Variants in SLC49A4 observed in about 807,000 individuals in gnomAD.
SLC49A4 encodes the protein disrupted in renal cancer protein 2.
A neutral mutation model predicts 50.6 loss-of-function variants in SLC49A4; 36 were observed. The ratio of observed to expected loss-of-function variants is 0.71; its 90% CI spans 0.55 to 0.94. The LOEUF is 0.94. Among genes scored for constraint, SLC49A4 ranks in the 40% least tolerant of loss-of-function variants. SLC49A4 has a pLI of 0.00. For missense variants in SLC49A4, 503 were observed against 605.7 expected, an observed-to-expected ratio of 0.83 and a Z score of 1.78; for synonymous variants, 248 against 241.2, an observed-to-expected ratio of 1.03 and a Z score of -0.26.
chr3:122,862,495 T>A (rs1000586357), intron 7 of SLC49A4, among the ~76,000 whole-genome samples: 3 of 152,262 alleles, frequency 2.0e-5, no homozygotes, highest in Non-Finnish European at 4.4e-5. Context: ...TTGAACAATT[T>A]TGGCAAGTAT....
chr3:122,859,974 T>C, intron 6 of SLC49A4, 101 bp from the exon 7 acceptor site: 2 of 1,052,904 alleles, frequency 1.9e-6, no homozygotes, highest in Non-Finnish European at 2.6e-6. Context: ...TTTAAAAGAA[T>C]ATATGGAAAA....
At chr3:122,861,474 G>A (rs752004828) in intron 7 of SLC49A4, among the ~76,000 whole-genome samples, 1 of 152,142 alleles carries the variant, frequency 6.6e-6, no homozygotes, top group Non-Finnish European at 1.5e-5. Flanking sequence ...TTGGTAGATT[G>A]TAAGATTGTA....
At chr3:122,816,308 C>A (rs189408142) in intron 2 of SLC49A4, among the ~76,000 whole-genome samples, 11 of 152,260 alleles carry the variant, frequency 7.2e-5, no homozygotes, top group African/African-American at 2.6e-4. Context: ...GAGCTCTTGT[C>A]CCTTCCATCT....
Position 122,826,893 on chromosome 3 carries a change from T to A in SLC49A4, c.531T>A (p.Asp177Glu). 1.9e-6 allele frequency: 3 copies of A among 1,614,208 alleles called. No individual in the cohort carries two copies. The highest frequency in any genetic ancestry group is 2.5e-6 in the Non-Finnish European group (3 of 1,180,030). The change falls in exon 3 of 9, where the codon GAT becomes GAA. Residue 177 changes from aspartate to glutamate, a missense_variant. Physicochemically the swap from Asp to Glu is conservative, Grantham distance 45. Transcript: ENST00000261038. ...PFLSTTWFSA[D>E]ERATATAIAS... ...TCTCTACGACGTGGTTTTCTGCAGA[T>A]GAAAGGGCCACAGCCACAGCTATTG...
chr3:122,872,892 C>T (rs568307090), intron 8 of SLC49A4, among the ~76,000 whole-genome samples: 3 of 151,694 alleles, frequency 2.0e-5, no homozygotes, highest in African/African-American at 7.3e-5. Flanking sequence ...CCCACCCCCA[C>T]GCCTTACCCT....
chr3:122,825,296 A>G (rs1053168525), intron 2 of SLC49A4, among the ~76,000 whole-genome samples: 2 of 152,220 alleles, frequency 1.3e-5, no homozygotes, highest in African/African-American at 4.8e-5. Flanking sequence ...CATTTCTGTA[A>G]TAAAATTGCT....
intron 4 of SLC49A4, among the ~76,000 whole-genome samples, chr3:122,839,494 C>T (rs73193836): frequency 0.013 from 2,044 of 152,062 alleles, 24 homozygotes; most frequent in Non-Finnish European, 0.019. Context: ...CTGTATCTGA[C>T]AGGAGACTAA....
intron 4 of SLC49A4, among the ~76,000 whole-genome samples, chr3:122,837,915 C>G (rs1193406498): frequency 2.0e-5 from 3 of 152,168 alleles, no homozygotes; most frequent in African/African-American, 7.2e-5. Flanking sequence ...ACAGACACTT[C>G]TCAAAAGAAG....
In SLC49A4 at chr3:122,826,953, A is replaced by G. The variant is rs1936538656; in HGVS notation, c.591A>G (p.Ala197=). The G allele has an allele frequency of 2.5e-6, 4 of 1,614,214 alleles. No individual in the cohort carries two copies. The highest frequency in any genetic ancestry group is 3.4e-6 in the Non-Finnish European group (4 of 1,180,018). ...TCAGTTATCTTGGGGGAGCATGTGC[A>G]TTTTTAGTTGGACCACTTGTTGTTC... ...SMLSYLGGAC[A]FLVGPLVVPA... The change falls in exon 3 of 9, where the codon GCA becomes GCG. Residue 197 remains alanine, a synonymous_variant. Coordinates refer to ENST00000261038, the MANE Select transcript of SLC49A4 (RefSeq NM_032839.3).
intron 2 of SLC49A4, among the ~76,000 whole-genome samples, chr3:122,822,777 G>A (rs977132593): frequency 6.6e-6 from 1 of 151,282 alleles, no homozygotes; most frequent in African/African-American, 2.4e-5. Context: ...TTATTCTCTA[G>A]TGTTTCTTCC....
At chr3:122,822,331 T>G (rs1467279434) in intron 2 of SLC49A4, among the ~76,000 whole-genome samples, 1 of 152,242 alleles carries the variant, frequency 6.6e-6, no homozygotes, top group African/African-American at 2.4e-5. Context: ...GCATTTTATC[T>G]TTTAATGTGT....
At chr3:122,849,324 T>G (rs1936895082) in intron 5 of SLC49A4, among the ~76,000 whole-genome samples, 2 of 152,178 alleles carry the variant, frequency 1.3e-5, no homozygotes, top group African/African-American at 4.8e-5. Context: ...CTGATTTCCT[T>G]TCTATTGGGT....
In SLC49A4 at chr3:122,833,450, A is replaced by G. The variant is rs1187919053; in HGVS notation, c.833+4A>G. The G allele has an allele frequency of 6.2e-7, 1 of 1,611,922 alleles. No homozygotes were observed. Among genetic ancestry groups the G allele is most frequent in the East Asian group, 2.2e-5 (1 of 44,856 alleles). ...GAAGCGTTTGTAGATTATTAAGGTAAATATACTGAGAGTCACTGGATGGCT... is the reference window on the plus strand; with the variant it reads ...GAAGCGTTTGTAGATTATTAAGGTAGATATACTGAGAGTCACTGGATGGCT... On this transcript the variant is annotated splice_donor_region_variant and intron_variant, in intron 4 of 8. Coordinates refer to ENST00000261038, the MANE Select transcript of SLC49A4 (RefSeq NM_032839.3).
intron 2 of SLC49A4, among the ~76,000 whole-genome samples, chr3:122,811,730 G>A (rs1392570060): frequency 6.6e-6 from 1 of 152,132 alleles, no homozygotes; most frequent in Non-Finnish European, 1.5e-5. Context: ...CCATGAAAAG[G>A]AAGTAAAAGT....
chr3:122,880,318 G>A lies in SLC49A4; in HGVS notation c.*940G>A, dbSNP rs377634780. ...TCACATTGAAACTTTCAGCTCTGTC[G>A]AATGATTTCTGAATTACATCCTGTG... On this transcript the variant is annotated 3_prime_UTR_variant, in exon 9 of 9. Transcript: ENST00000261038. 3.3e-5 allele frequency: 5 copies of A among 152,066 alleles called. No homozygotes were observed. The highest frequency in any genetic ancestry group is 9.7e-5 in the African/African-American group (4 of 41,394). The allele number at this position is 152,066 out of a possible 1,614,324, so 9.4% of individuals were successfully genotyped here. A position where few individuals can be genotyped will look rare whatever the true frequency, so the allele number is the denominator to read the frequency against.
chr3:122,833,199 C>A, intron 3 of SLC49A4, 118 bp from the exon 4 acceptor site: 1 of 970,334 alleles, frequency 1.0e-6, no homozygotes, highest in Non-Finnish European at 1.5e-6. Flanking sequence ...CATGTTCATG[C>A]CACTGCATTC....
intron 2 of SLC49A4, among the ~76,000 whole-genome samples, chr3:122,825,491 C>T (rs537431348): frequency 1.3e-5 from 2 of 151,806 alleles, no homozygotes; most frequent in African/African-American, 2.4e-5. Context: ...TCCAACATAA[C>T]GAAGCTATGG....
chr3:122,851,156 A>G (rs1560226952), intron 5 of SLC49A4, among the ~76,000 whole-genome samples: 2 of 152,200 alleles, frequency 1.3e-5, no homozygotes, highest in East Asian at 3.8e-4. Context: ...TTAACTGCAC[A>G]AGACATTATT....
chr3:122,811,875 A>G (rs17279144), intron 2 of SLC49A4, among the ~76,000 whole-genome samples: 21 of 152,326 alleles, frequency 1.4e-4, no homozygotes, highest in African/African-American at 3.4e-4. Context: ...TGGGAAGAGC[A>G]TCTGAGGAAT....
Sources: allele counts gnomAD v4.1 joint callset (sites outside exome capture counted in the v4.1 genomes callset), GRCh38; gene constraint gnomAD v4.1.1; transcripts MANE v1.5; gene names NCBI Gene and HGNC (gene_info 2026-07-23, HGNC 2026-07-21).